The following GAB2 variants were observed in gnomAD, a reference collection of about 807,000 sequenced individuals.
The protein encoded by GAB2 is GRB2-associated-binding protein 2.
GAB2 carries 26 observed loss-of-function variants against 65.5 expected under a neutral mutation model. The ratio of observed to expected loss-of-function variants is 0.40; its 90% CI spans 0.29 to 0.55. The LOEUF (loss-of-function observed/expected upper bound fraction) is 0.55, where lower values mean the gene tolerates loss of function less well. GAB2 is among the 20% of genes least tolerant of loss of function. The pLI is 0.53. For synonymous variants in GAB2, 321 were observed against 329.6 expected, an observed-to-expected ratio of 0.97 and a Z score of 0.28; for missense variants, 884 against 875.8, an observed-to-expected ratio of 1.01 and a Z score of -0.12.
intron 2 of GAB2, among the ~76,000 whole-genome samples, chr11:78,258,942 G>A (rs905840465): frequency 4.6e-5 from 7 of 151,868 alleles, no homozygotes; most frequent in African/African-American, 1.5e-4. Flanking sequence ...GTGTCATGGG[G>A]GTTTGATGTA....
chr11:78,352,551 C>T (rs1233112934), intron 1 of GAB2, among the ~76,000 whole-genome samples: 1 of 152,178 alleles, frequency 6.6e-6, no homozygotes, highest in Non-Finnish European at 1.5e-5. Context: ...TCTCCCTTCA[C>T]CCTTGTTACA....
At chr11:78,225,778 T>C (rs534448981) in intron 4 of GAB2, among the ~76,000 whole-genome samples, 16 of 152,230 alleles carry the variant, frequency 1.1e-4, no homozygotes, top group Non-Finnish European at 1.6e-4. Context: ...ATTGGCCTCA[T>C]GTGAGATGGA....
In GAB2 at chr11:78,325,352, A is replaced by T. The variant is rs118140552; in HGVS notation, c.76-44451T>A. Among the ~76,000 whole-genome samples, 450 of 152,306 alleles carry T rather than the reference A, an allele frequency of 3.0e-3. 2 individuals carry two copies. Among genetic ancestry groups the T allele is most frequent in the Non-Finnish European group, 4.8e-3 (326 of 68,022 alleles). On this transcript the variant is annotated intron_variant, in intron 1 of 9. Transcript: ENST00000361507. ...AATGCTCTAACTTCAGTCATGAAAA[A>T]ACAGAGGCCCAGAGAGGCAAAGTGA...
At chr11:78,404,928 T>C (rs1451154008) in intron 1 of GAB2, among the ~76,000 whole-genome samples, 1 of 152,062 alleles carries the variant, frequency 6.6e-6, no homozygotes, top group Non-Finnish European at 1.5e-5. Context: ...CAAAAAGAAA[T>C]GATAAACGTT....
At chr11:78,343,351 G>A (rs1247528354) in intron 1 of GAB2, among the ~76,000 whole-genome samples, 1 of 127,998 alleles carries the variant, frequency 7.8e-6, no homozygotes, top group Non-Finnish European at 1.6e-5. Context: ...TGTAGTACAA[G>A]AAGGAATAAT....
intron 1 of GAB2, among the ~76,000 whole-genome samples, chr11:78,313,415 T>C (rs1855540278): frequency 6.6e-6 from 1 of 152,194 alleles, no homozygotes; most frequent in Non-Finnish European, 1.5e-5. Context: ...CCTGGCTTTG[T>C]GCTTTTAAGG....
intron 3 of GAB2, among the ~76,000 whole-genome samples, chr11:78,232,498 G>C (rs147330165): frequency 1.3e-5 from 2 of 152,316 alleles, no homozygotes; most frequent in African/African-American, 2.4e-5. Flanking sequence ...TATTTGTCTT[G>C]ACTCTGCCAG....
At chr11:78,241,856 T>C (rs550047298) in intron 3 of GAB2, among the ~76,000 whole-genome samples, 1 of 152,178 alleles carries the variant, frequency 6.6e-6, no homozygotes, top group Non-Finnish European at 1.5e-5. Context: ...AATATAATCA[T>C]AGTTGGAGAC....
At chr11:78,241,423 C>CA (rs1001134852) in intron 3 of GAB2, among the ~76,000 whole-genome samples, 4 of 151,808 alleles carry the variant, frequency 2.6e-5, no homozygotes, top group African/African-American at 9.7e-5. Context: ...AATATAACAC[C>CA]AAAAAAGCAC....
intron 1 of GAB2, among the ~76,000 whole-genome samples, chr11:78,396,460 T>C (rs1165174897): frequency 1.3e-5 from 2 of 152,220 alleles, no homozygotes; most frequent in African/African-American, 4.8e-5. Context: ...CAAATTTTGG[T>C]AAAGAAATAA....
At chr11:78,372,345 C>T (rs1427704070) in intron 1 of GAB2, among the ~76,000 whole-genome samples, 1 of 152,104 alleles carries the variant, frequency 6.6e-6, no homozygotes, top group Non-Finnish European at 1.5e-5. Flanking sequence ...GTAGCTCCAA[C>T]GACAAAGGCA....
intron 2 of GAB2, among the ~76,000 whole-genome samples, chr11:78,261,766 A>G (rs1287890063): frequency 6.6e-6 from 1 of 152,206 alleles, no homozygotes; most frequent in Non-Finnish European, 1.5e-5. Context: ...ATGAGCTTAC[A>G]TGCAGTCAGA....
chr11:78,416,747 C>G (rs1022085363), intron 1 of GAB2, among the ~76,000 whole-genome samples: 6 of 150,814 alleles, frequency 4.0e-5, no homozygotes, highest in Non-Finnish European at 8.8e-5. Flanking sequence ...ACTTTGACCT[C>G]ACCAGGCAAG....
At chr11:78,250,102 T>C (rs1865406025) in intron 3 of GAB2, 55 bp downstream of exon 3, 2 of 1,586,964 alleles carry the variant, frequency 1.3e-6, no homozygotes, top group Non-Finnish European at 1.7e-6. Flanking sequence ...GACTGAAAAG[T>C]ACTAGGCCCT....
At chr11:78,387,631 T>C (rs1376365092) in intron 1 of GAB2, among the ~76,000 whole-genome samples, 2 of 152,214 alleles carry the variant, frequency 1.3e-5, no homozygotes, top group African/African-American at 4.8e-5. Context: ...TGTACAGAGT[T>C]AGCAAGAAAA....
chr11:78,270,255 A>AGGTGGAG (rs1445999435), intron 2 of GAB2, among the ~76,000 whole-genome samples: 4 of 150,850 alleles, frequency 2.7e-5, no homozygotes, highest in Non-Finnish European at 4.4e-5. Context: ...TGAACCCGGG[A>AGGTGGAG]GGTGGAGGGT....
rs57095813 is a variant in GAB2 at position 78,398,041 on chromosome 11, C to CACACACACACACACACACACACAT, written c.75+19604_75+19605insATGTGTGTGTGTGTGTGTGTGTGT. On this transcript the variant is annotated intron_variant, in intron 1 of 9. Coordinates refer to ENST00000361507, the MANE Select transcript of GAB2 (RefSeq NM_080491.3). The stretch of plus-strand genomic sequence containing the variant: ...ATAGCTACACACACACACACACACA[C>CACACACACACACACACACACACAT]ATCCCTGGCCTATACTCAATGTTTT... 3.5e-3 allele frequency among the ~76,000 whole-genome samples: 536 copies of CACACACACACACACACACACACAT among 151,496 alleles called. 2 individuals carry two copies. Among genetic ancestry groups the CACACACACACACACACACACACAT allele is most frequent in the African/African-American group, 0.012 (509 of 41,038 alleles).
chr11:78,417,165 G>A (rs900030366), intron 1 of GAB2, among the ~76,000 whole-genome samples: 2 of 152,124 alleles, frequency 1.3e-5, no homozygotes, highest in African/African-American at 2.4e-5. Flanking sequence ...GGCCGGGAGG[G>A]GCAGGCGGAG....
intron 5 of GAB2, among the ~76,000 whole-genome samples, chr11:78,223,938 TG>T (rs1331639367): frequency 6.6e-6 from 1 of 152,078 alleles, no homozygotes. Context: ...AAGTATTAGC[TG>T]GGCGTGGTGG....
Sources: allele counts gnomAD v4.1 joint callset (sites outside exome capture counted in the v4.1 genomes callset), GRCh38; gene constraint gnomAD v4.1.1; transcripts MANE v1.5; gene names NCBI Gene and HGNC (gene_info 2026-07-23, HGNC 2026-07-21).